PACSIN2: variants seen among roughly 807,000 people sequenced by gnomAD.
PACSIN2 encodes protein kinase C and casein kinase substrate in neurons 2, also known as protein kinase C and casein kinase substrate in neurons protein 2.
PACSIN2 carries 25 observed loss-of-function variants against 63.8 expected under a neutral mutation model. The ratio of observed to expected loss-of-function variants is 0.39; its 90% CI spans 0.29 to 0.55. The LOEUF is 0.55. Ranked by LOEUF, PACSIN2 falls within the 20% of genes least tolerant of loss-of-function variation. The pLI is 0.62. For missense variants in PACSIN2, 518 were observed against 646.9 expected, an observed-to-expected ratio of 0.80 and a Z score of 2.16; for synonymous variants, 255 against 256.2, an observed-to-expected ratio of 1.00 and a Z score of 0.05.
chr22:42,924,656 T>A (rs6002980), intron 1 of PACSIN2, among the ~76,000 whole-genome samples: 29,815 of 152,058 alleles, frequency 0.2, 5,032 homozygotes, highest in East Asian at 0.73. Context: ...TCCGCTGGTC[T>A]GGGCACTGCC....
chr22:42,873,329 A>G (rs1212707177), intron 10 of PACSIN2, among the ~76,000 whole-genome samples: 1 of 152,234 alleles, frequency 6.6e-6, no homozygotes, highest in Non-Finnish European at 1.5e-5. Flanking sequence ...ACCCCAACCA[A>G]AGATATCAGA....
intron 1 of PACSIN2, among the ~76,000 whole-genome samples, chr22:43,010,582 C>T (rs1303874469): frequency 3.3e-5 from 5 of 151,816 alleles, no homozygotes; most frequent in African/African-American, 1.2e-4. Context: ...TGGCGGCGGG[C>T]GCCTGTAGTC....
intron 1 of PACSIN2, among the ~76,000 whole-genome samples, chr22:42,933,425 G>T (rs1057279666): frequency 6.6e-6 from 1 of 152,208 alleles, no homozygotes; most frequent in Non-Finnish European, 1.5e-5. Context: ...CCTGCCCAAA[G>T]TGGAAGCCTC....
chr22:42,970,637 C>T (rs1158856423), intron 1 of PACSIN2, among the ~76,000 whole-genome samples: 1 of 152,132 alleles, frequency 6.6e-6, no homozygotes, highest in Non-Finnish European at 1.5e-5. Flanking sequence ...ACATTCATTA[C>T]GTCCTTTGCA....
chr22:43,007,565 G>C lies in PACSIN2; in HGVS notation c.-78+7456C>G, dbSNP rs145714915. On this transcript the variant is annotated intron_variant, in intron 1 of 10. Transcript: ENST00000263246. ...AGCTCTGCCCAGAATGGTCCTTCAC[G>C]TCAGCCCCACCTGGAGAGCACCTGT... Among the ~76,000 whole-genome samples the C allele has an allele frequency of 1.2e-3, 181 of 152,204 alleles. 1 individual carries two copies. Among genetic ancestry groups the C allele is most frequent in the Middle Eastern group, 3.4e-3 (1 of 294 alleles).
At chr22:42,982,153 G>A (rs1248453866) in intron 1 of PACSIN2, among the ~76,000 whole-genome samples, 24 of 125,020 alleles carry the variant, frequency 1.9e-4, no homozygotes, top group South Asian at 2.8e-4. Flanking sequence ...CCGGCCAGCC[G>A]CCCTATCCAG....
At chr22:42,936,902 C>T (rs932606940) in intron 1 of PACSIN2, among the ~76,000 whole-genome samples, 2 of 125,804 alleles carry the variant, frequency 1.6e-5, no homozygotes, top group Non-Finnish European at 3.2e-5. Context: ...CACAGCAAGA[C>T]TCTGCCTCAA....
chr22:42,880,570 T>C (rs993332002), intron 7 of PACSIN2: 1 of 152,214 alleles, frequency 6.6e-6, no homozygotes, highest in Non-Finnish European at 1.5e-5. Context: ...ACAGACACCC[T>C]GCATGGCGTA....
intron 1 of PACSIN2, among the ~76,000 whole-genome samples, chr22:42,957,543 T>A (rs1933963941): frequency 6.6e-6 from 1 of 152,246 alleles, no homozygotes; most frequent in African/African-American, 2.4e-5. Flanking sequence ...GGATTCAAAC[T>A]GAATTTTTAG....
intron 1 of PACSIN2, among the ~76,000 whole-genome samples, chr22:42,982,715 A>C (rs1433916317): frequency 9.5e-5 from 13 of 136,794 alleles, no homozygotes; most frequent in Non-Finnish European, 1.4e-4. Flanking sequence ...AATCTTAAGT[A>C]CCCAGGGACA....
intron 1 of PACSIN2, among the ~76,000 whole-genome samples, chr22:42,965,904 T>TATAATCATAAATAAATAA (rs1433147640): frequency 6.7e-6 from 1 of 149,036 alleles, no homozygotes; most frequent in African/African-American, 2.5e-5. Context: ...AGAAACCTAC[T>TATAATCATAAATAAATAA]ATAATCATAA....
chr22:42,879,397 C>G (rs1928904582), intron 7 of PACSIN2, among the ~76,000 whole-genome samples: 1 of 152,240 alleles, frequency 6.6e-6, no homozygotes, highest in Admixed American at 6.5e-5. Flanking sequence ...AGGGGCTCAT[C>G]AGGGGATCTG....
chr22:42,875,955 G>A (rs897618335), intron 10 of PACSIN2, among the ~76,000 whole-genome samples, 182 bp downstream of exon 10: 3 of 152,220 alleles, frequency 2.0e-5, no homozygotes, highest in African/African-American at 7.2e-5. Flanking sequence ...CTATAGGCAT[G>A]AGCCACCACA....
intron 1 of PACSIN2, among the ~76,000 whole-genome samples, chr22:42,958,187 T>C (rs909188262): frequency 1.3e-5 from 2 of 152,026 alleles, no homozygotes; most frequent in Non-Finnish European, 2.9e-5. Flanking sequence ...ATGAGTCTCA[T>C]GACCAGGGTT....
intron 1 of PACSIN2, among the ~76,000 whole-genome samples, chr22:42,967,820 A>G (rs1424424069): frequency 5.9e-5 from 9 of 152,166 alleles, no homozygotes; most frequent in Non-Finnish European, 1.2e-4. Context: ...CCCGGGAGGC[A>G]GAGTTTGCAG....
intron 1 of PACSIN2, among the ~76,000 whole-genome samples, chr22:42,923,602 T>C (rs1253518305): frequency 6.6e-6 from 1 of 152,198 alleles, no homozygotes; most frequent in Non-Finnish European, 1.5e-5. Flanking sequence ...TAATTTTTTG[T>C]ATTTTTAGTA....
intron 2 of PACSIN2, among the ~76,000 whole-genome samples, chr22:42,899,714 C>T (rs182689791): frequency 1.1e-4 from 16 of 152,156 alleles, no homozygotes; most frequent in African/African-American, 2.9e-4. Context: ...GAAGTGTTCC[C>T]TTTGGTCCCA....
Position 42,871,501 on chromosome 22 carries a change from G to T in PACSIN2, c.1349-32C>A. The stretch of plus-strand genomic sequence containing the variant: ...GACAAAGAGGGAGCCGTCTCCATGA[G>T]AGGTATGACACCGACGGTGGGCTAC... On this transcript the variant is annotated intron_variant, in intron 10 of 10. Coordinates refer to ENST00000263246, the MANE Select transcript of PACSIN2 (RefSeq NM_001184970.3). The surrounding 1 kb of genome is among the most constrained non-coding windows in gnomAD (Gnocchi z 5.4). 6.6e-7 allele frequency: 1 copy of T among 1,513,306 alleles called. No homozygotes were observed. The highest frequency in any genetic ancestry group is 9.2e-7 in the Non-Finnish European group (1 of 1,087,660). 93.7% of individuals were successfully genotyped at this position (1,513,306 alleles called of 1,614,324 possible).
chr22:42,886,443 G>A (rs973283858), intron 5 of PACSIN2, among the ~76,000 whole-genome samples: 2 of 138,928 alleles, frequency 1.4e-5, no homozygotes, highest in Non-Finnish European at 3.3e-5. Flanking sequence ...TAGGTAGGTA[G>A]GTAGGTAGGT....
Sources: allele counts gnomAD v4.1 joint callset (sites outside exome capture counted in the v4.1 genomes callset), GRCh38; gene constraint gnomAD v4.1.1; non-coding constraint Gnocchi (gnomAD v3.1); transcripts MANE v1.5; gene names NCBI Gene and HGNC (gene_info 2026-07-23, HGNC 2026-07-21).